ZNF879: variants seen among roughly 807,000 people sequenced by gnomAD.
ZNF879 encodes zinc finger protein 879.
In ZNF879, 32 loss-of-function variants were observed where a neutral mutation model predicts 44.3. The ratio of observed to expected loss-of-function variants is 0.72; its 90% CI spans 0.54 to 0.97. ZNF879 has a LOEUF of 0.97. ZNF879 is among the 50% of genes least tolerant of loss of function. The pLI is 0.00. For synonymous variants in ZNF879, 234 were observed against 233.2 expected (o/e 1.00, Z -0.03); for missense variants, 621 against 669.7 (o/e 0.93, Z 0.80).
intron 2 of ZNF879, among the ~76,000 whole-genome samples, chr5:179,026,103 CAAAG>C (rs1353755804): frequency 1.3e-4 from 18 of 141,356 alleles, no homozygotes; most frequent in East Asian, 8.4e-4. Context: ...AAAAAAAAAA[CAAAG>C]AAAGAAAAAT....
rs1761473889 is a variant in ZNF879 at position 179,032,963 on chromosome 5, A to G, written c.1015A>G (p.Thr339Ala). 1 of 1,558,556 alleles carries G rather than the reference A, an allele frequency of 6.4e-7. No individual in the cohort carries two copies. The highest frequency in any genetic ancestry group is 8.7e-7 in the Non-Finnish European group (1 of 1,151,194). The change falls in exon 5 of 5, where the codon ACT becomes GCT. Residue 339 changes from threonine (T) to alanine (A), a missense_variant. Transcript: ENST00000444149. ...SSLIQHHRIHTGEKPYECTQC... is the reference protein window; with the variant it reads ...SSLIQHHRIHAGEKPYECTQC... ...TCTCATTCAGCACCACAGAATTCAT[A>G]CTGGGGAGAAACCGTATGAATGTAC...
Position 179,033,315 on chromosome 5 carries a change from A to G in ZNF879, c.1367A>G (p.Tyr456Cys), listed in dbSNP as rs1320873359. 4.4e-6 allele frequency: 7 copies of G among 1,573,902 alleles called. No homozygotes were observed. Among genetic ancestry groups the G allele is most frequent in the Admixed American group, 3.7e-5 (2 of 53,554 alleles). ...AGAATTCACACTGGAGAGAAACCAT[A>G]TAATTGTAAGGAATGTGGAAAAGCC... ...HHRIHTGEKPYNCKECGKAFS... is the reference protein window; with the variant it reads ...HHRIHTGEKPCNCKECGKAFS... Residue 456 changes from tyrosine to cysteine, a missense_variant, in exon 5 of 5, where the codon TAT becomes TGT. Tyr to Cys is a radical substitution (Grantham distance 194). Transcript: ENST00000444149.
At position 179,032,524 on chromosome 5, in the gene ZNF879, T is replaced by C; in HGVS notation, c.576T>C (p.Phe192=). 6.4e-7 allele frequency: 1 copy of C among 1,551,718 alleles called. No homozygotes were observed. Among genetic ancestry groups the C allele is most frequent in the Non-Finnish European group, 8.7e-7 (1 of 1,146,990 alleles). Residue 192 remains phenylalanine (F), a synonymous_variant, in exon 5 of 5, where the codon TTT becomes TTC. Transcript: ENST00000444149. ...GTTCACAGCAGTATTCAGTTCTCTTTAAACAACTGGGGGTCAACACAGTGC... is the reference window on the plus strand; with the variant it reads ...GTTCACAGCAGTATTCAGTTCTCTTCAAACAACTGGGGGTCAACACAGTGC... The part of the protein sequence containing the change: ...RPRSQQYSVL[F]KQLGVNTVRK...
chr5:179,033,195 T>G lies in ZNF879; in HGVS notation c.1247T>G (p.Ile416Arg), dbSNP rs557857712. The change falls in exon 5 of 5, where the codon ATA (isoleucine) becomes AGA (arginine). Residue 416 changes from isoleucine (I) to arginine (R), a missense_variant. Coordinates refer to ENST00000444149, the MANE Select transcript of ZNF879 (RefSeq NM_001136116.3). ...GKAFSQSSAL[I>R]QHQRIHTGEK... The stretch of plus-strand genomic sequence containing the variant: ...GCCTTCAGCCAAAGCTCAGCTCTCA[T>G]ACAACATCAAAGAATTCACACTGGA... 1.9e-6 allele frequency: 3 copies of G among 1,595,436 alleles called. No individual in the cohort carries two copies. In the African/African-American group the frequency reaches 4.0e-5, roughly 21 times the overall value.
In ZNF879 at chr5:179,032,257, C is replaced by T. The variant is rs1761437660; in HGVS notation, c.309C>T (p.Val103=). ...TTTCTAAAGAAGAAAATCAGGAAGT[C>T]ATGAAAAAACTCATAATTGATGGCA... ...TIVSKEENQE[V]MKKLIIDGTF... is the part of the protein sequence containing the mutation. The change falls in exon 5 of 5, where the codon GTC becomes GTT. Residue 103 remains valine (V), a synonymous_variant. Coordinates refer to ENST00000444149, the MANE Select transcript of ZNF879 (RefSeq NM_001136116.3). 1 of 1,533,462 alleles carries T rather than the reference C, an allele frequency of 6.5e-7. No individual in the cohort carries two copies. Among genetic ancestry groups the T allele is most frequent in the Non-Finnish European group, 8.8e-7 (1 of 1,142,264 alleles). 95.0% of individuals were successfully genotyped at this position (1,533,462 alleles called of 1,614,324 possible). A position where few individuals can be genotyped will look rare whatever the true frequency, so the allele number is the denominator to read the frequency against.
chr5:179,031,087 C>T (rs1761403819), intron 4 of ZNF879, among the ~76,000 whole-genome samples: 1 of 152,242 alleles, frequency 6.6e-6, no homozygotes, highest in Admixed American at 6.5e-5. Context: ...CCACCATCTT[C>T]ATCCAGGAAG....
At position 179,032,325 on chromosome 5, in the gene ZNF879, A is replaced by G; in HGVS notation, c.377A>G (p.Lys126Arg). 2 of 1,551,212 alleles carry G rather than the reference A, an allele frequency of 1.3e-6. No individual in the cohort carries two copies. Among genetic ancestry groups the G allele is most frequent in the Non-Finnish European group, 8.7e-7 (1 of 1,146,908 alleles). The change falls in exon 5 of 5, where the codon AAG becomes AGG. Residue 126 changes from lysine (K) to arginine (R), a missense_variant. Physicochemically the swap from Lys to Arg is conservative, Grantham distance 26. Transcript: ENST00000444149. ...KLEKTYINED[K>R]LEKQQGKKNR... ...GAGAAGACCTACATAAATGAAGATA[A>G]GTTAGAGAAGCAACAAGGCAAAAAG...
chr5:179,027,980 T>G (rs1487654134), intron 3 of ZNF879, 52 bp from the exon 4 acceptor site: 1 of 1,504,222 alleles, frequency 6.6e-7, no homozygotes, highest in Non-Finnish European at 9.1e-7. Context: ...ACTCTGGGGC[T>G]GGACCCGCCT....
chr5:179,025,059 C>A (rs1253933897), intron 2 of ZNF879, 22 bp downstream of exon 2: 1 of 1,551,222 alleles, frequency 6.4e-7, no homozygotes, highest in Non-Finnish European at 8.7e-7. Flanking sequence ...CTTCTTTTTG[C>A]TTGAACTGCC....
At position 179,034,486 on chromosome 5, in the gene ZNF879, T is replaced by C. The variant is rs11739654; in HGVS notation, c.*846T>C. On this transcript the variant is annotated 3_prime_UTR_variant, in exon 5 of 5. Coordinates refer to ENST00000444149, the MANE Select transcript of ZNF879 (RefSeq NM_001136116.3). ...CCAGGGTCTGCCTGCTTCTGTGAGC[T>C]TTCTGGTTACCAGCCACCAGAAGGC... The C allele has an allele frequency of 0.31, 46,864 of 152,078 alleles. 8,482 individuals are homozygous for C. The highest frequency in any genetic ancestry group is 0.52 in the South Asian group (2,502 of 4,818). The allele number at this position is 152,078 out of a possible 1,614,324, so 9.4% of individuals were successfully genotyped here. A position where few individuals can be genotyped will look rare whatever the true frequency, so the allele number is the denominator to read the frequency against.
In ZNF879 at chr5:179,033,963, T is replaced by C. The variant is rs569785591; in HGVS notation, c.*323T>C. 7 of 198,106 alleles carry C rather than the reference T, an allele frequency of 3.5e-5. No homozygotes were observed. Among genetic ancestry groups the C allele is most frequent in the Admixed American group, 2.2e-4 (4 of 18,112 alleles). The allele number at this position is 198,106 out of a possible 1,614,324, so 12.3% of individuals were successfully genotyped here. Reference sequence around the variant, plus strand: ...GAGCATCACTGGGAAGCCTGCTGTTTATGTACAAGTACAGCCATAAAATCC... The same window carrying C: ...GAGCATCACTGGGAAGCCTGCTGTTCATGTACAAGTACAGCCATAAAATCC... On this transcript the variant is annotated 3_prime_UTR_variant, in exon 5 of 5. Transcript: ENST00000444149.
chr5:179,032,544 C>T lies in ZNF879; in HGVS notation c.596C>T (p.Thr199Ile). 1 of 1,551,788 alleles carries T rather than the reference C, an allele frequency of 6.4e-7. No homozygotes were observed. The change falls in exon 5 of 5, where the codon ACA becomes ATA. Residue 199 changes from threonine to isoleucine, a missense_variant. Coordinates refer to ENST00000444149, the MANE Select transcript of ZNF879 (RefSeq NM_001136116.3). Reference protein sequence around the residue: ...SVLFKQLGVNTVRKCYKCNIC... With the variant: ...SVLFKQLGVNIVRKCYKCNIC... ...CTCTTTAAACAACTGGGGGTCAACA[C>T]AGTGCGTAAATGTTATAAATGTAAT...
Position 179,033,271 on chromosome 5 carries a change from A to G in ZNF879, c.1323A>G (p.Ser441=), listed in dbSNP as rs775395836. Residue 441 remains serine, a synonymous_variant, in exon 5 of 5, where the codon TCA becomes TCG. Coordinates refer to ENST00000444149, the MANE Select transcript of ZNF879 (RefSeq NM_001136116.3). ...GTGGGAAAGCCTTCTCTTGGATTTC[A>G]CGGCTTAATATACATCACAGAATTC... ...NECGKAFSWI[S]RLNIHHRIHT... The G allele has an allele frequency of 6.3e-7, 1 of 1,582,268 alleles. No homozygotes were observed. The highest frequency in any genetic ancestry group is 8.6e-7 in the Non-Finnish European group (1 of 1,163,966).
intron 3 of ZNF879, among the ~76,000 whole-genome samples, 156 bp downstream of exon 3, chr5:179,027,755 T>C (rs1208858547): frequency 1.3e-5 from 2 of 152,140 alleles, no homozygotes; most frequent in Non-Finnish European, 2.9e-5. Context: ...CTTGGCTTAG[T>C]AGAGTTGATG....
intron 4 of ZNF879, among the ~76,000 whole-genome samples, chr5:179,028,472 T>G (rs1243827997): frequency 6.6e-6 from 1 of 152,222 alleles, no homozygotes; most frequent in Non-Finnish European, 1.5e-5. Flanking sequence ...TACATTGTTT[T>G]TTTTTAATCA....
rs1000106398 is a variant in ZNF879 at position 179,034,687 on chromosome 5, A to G, written c.*1047A>G. On this transcript the variant is annotated 3_prime_UTR_variant, in exon 5 of 5. Transcript: ENST00000444149. ...GTTCAGATACTCTTTCTTCCAGCAA[A>G]TGGACTTACACTCTTCAACAAGTGA... is the stretch of plus-strand genomic sequence containing the variant. 6.6e-6 allele frequency: 1 copy of G among 152,246 alleles called. No individual in the cohort carries two copies. Among genetic ancestry groups the G allele is most frequent in the African/African-American group, 2.4e-5 (1 of 41,470 alleles). 9.4% of individuals were successfully genotyped at this position (152,246 alleles called of 1,614,324 possible).
At position 179,032,773 on chromosome 5, in the gene ZNF879, T is replaced by A; in HGVS notation, c.825T>A (p.Leu275=). The change falls in exon 5 of 5, where the codon CTT becomes CTA. Residue 275 remains leucine (L), a synonymous_variant. Transcript: ENST00000444149. ...CGKAFSFTTS[L]IGHQRMHTGE... ...AAGCCTTCAGTTTCACCACATCTCT[T>A]ATTGGACACCAGAGAATGCATACTG... 2 of 1,554,176 alleles carry A rather than the reference T, an allele frequency of 1.3e-6. No individual in the cohort carries two copies. Among genetic ancestry groups the A allele is most frequent in the Non-Finnish European group, 1.7e-6 (2 of 1,148,662 alleles).
At chr5:179,024,834 G>A (rs1220315933) in intron 1 of ZNF879, 136 bp from the exon 2 acceptor site, 4 of 639,954 alleles carry the variant, frequency 6.3e-6, no homozygotes, top group Admixed American at 2.9e-5. Context: ...GCCGGACTTA[G>A]GGCCCCTCTG....
chr5:179,024,261 G>A (rs1761195811), intron 1 of ZNF879, among the ~76,000 whole-genome samples: 2 of 152,224 alleles, frequency 1.3e-5, no homozygotes, highest in Non-Finnish European at 2.9e-5. Flanking sequence ...CCGTTTCCCG[G>A]AGTTTAAACT....
Sources: allele counts gnomAD v4.1 joint callset (sites outside exome capture counted in the v4.1 genomes callset), GRCh38; gene constraint gnomAD v4.1.1; transcripts MANE v1.5; gene names NCBI Gene and HGNC (gene_info 2026-07-23, HGNC 2026-07-21).